GRIN2A: variants seen among roughly 807,000 people sequenced by gnomAD.
The protein encoded by GRIN2A is glutamate receptor ionotropic, NMDA 2A.
Under a neutral mutation model 113.4 loss-of-function variants are expected in GRIN2A, and 22 were observed. The observed-to-expected ratio is 0.19, with a 90% confidence interval of 0.14 to 0.28. The LOEUF (loss-of-function observed/expected upper bound fraction) is 0.28, where lower values mean the gene tolerates loss of function less well. Among genes scored for constraint, GRIN2A ranks in the 10% least tolerant of loss-of-function variants. The pLI is 1.00. For synonymous variants in GRIN2A, 827 were observed against 738.4 expected, an observed-to-expected ratio of 1.12 and a Z score of -1.94; for missense variants, 1,502 against 1,887.0, an observed-to-expected ratio of 0.80 and a Z score of 3.78.
At chr16:10,181,330 C>T (rs2050268319) in intron 1 of GRIN2A, among the ~76,000 whole-genome samples, 1 of 152,212 alleles carries the variant, frequency 6.6e-6, no homozygotes, top group Non-Finnish European at 1.5e-5. Flanking sequence ...AAAGAACGTG[C>T]GTAGGGGGAA....
chr16:10,138,399 T>C (rs917600545), intron 2 of GRIN2A, among the ~76,000 whole-genome samples: 1 of 152,116 alleles, frequency 6.6e-6, no homozygotes, highest in Non-Finnish European at 1.5e-5. Flanking sequence ...CTTACAATCA[T>C]GGTGGAAGAC....
chr16:10,111,917 T>A, intron 2 of GRIN2A: 1 of 808,826 alleles, frequency 1.2e-6, no homozygotes, highest in Non-Finnish European at 2.1e-6. Flanking sequence ...AGTGAGGTGA[T>A]GACGCCAAGG....
chr16:10,111,470 G>T (rs7188108), intron 2 of GRIN2A: 187,874 of 626,908 alleles, frequency 0.3, 29,211 homozygotes, highest in East Asian at 0.44. Flanking sequence ...GCCAACTGCC[G>T]CACCCACAAC....
chr16:9,790,323 T>C (rs1334317765), intron 11 of GRIN2A, among the ~76,000 whole-genome samples: 1 of 152,220 alleles, frequency 6.6e-6, no homozygotes, highest in African/African-American at 2.4e-5. Flanking sequence ...GCAGAGAACC[T>C]GGGTTTGAGC....
At chr16:9,895,284 G>A (rs2043781834) in intron 3 of GRIN2A, among the ~76,000 whole-genome samples, 1 of 152,190 alleles carries the variant, frequency 6.6e-6, no homozygotes, top group South Asian at 2.1e-4. Flanking sequence ...GAAGGAAGAG[G>A]AAGGAAAAGT....
chr16:9,837,039 T>C (rs975276210), intron 7 of GRIN2A, among the ~76,000 whole-genome samples: 1 of 152,140 alleles, frequency 6.6e-6, no homozygotes, highest in African/African-American at 2.4e-5. Context: ...CTGATGTGAG[T>C]TAATGGAGTT....
chr16:10,119,450 G>C (rs2048791774), intron 2 of GRIN2A, among the ~76,000 whole-genome samples: 1 of 151,568 alleles, frequency 6.6e-6, no homozygotes, highest in South Asian at 2.1e-4. Flanking sequence ...CTGTGCCTTA[G>C]TCATCTCTGT....
At chr16:10,052,600 G>C (rs2047377675) in intron 2 of GRIN2A, among the ~76,000 whole-genome samples, 1 of 152,170 alleles carries the variant, frequency 6.6e-6, no homozygotes, top group African/African-American at 2.4e-5. Flanking sequence ...GTGTGACCAG[G>C]GCTGGCTGGC....
chr16:10,038,971 C>T (rs1451012533), intron 2 of GRIN2A, among the ~76,000 whole-genome samples: 1 of 152,162 alleles, frequency 6.6e-6, no homozygotes, highest in Non-Finnish European at 1.5e-5. Context: ...GTCACCTCCT[C>T]CAGGAAGCCC....
chr16:9,777,063 T>C (rs145245452), intron 11 of GRIN2A, among the ~76,000 whole-genome samples: 1 of 152,228 alleles, frequency 6.6e-6, no homozygotes, highest in African/African-American at 2.4e-5. Flanking sequence ...AGCTAGACCA[T>C]CTGAGCTTTG....
intron 2 of GRIN2A, among the ~76,000 whole-genome samples, chr16:9,979,664 G>A (rs2045848953): frequency 6.6e-6 from 1 of 151,936 alleles, no homozygotes; most frequent in African/African-American, 2.4e-5. Flanking sequence ...TGAAAAGACT[G>A]TATCCTCATT....
chr16:10,164,774 A>G (rs2049876906), intron 2 of GRIN2A, among the ~76,000 whole-genome samples: 1 of 152,246 alleles, frequency 6.6e-6, no homozygotes, highest in Non-Finnish European at 1.5e-5. Flanking sequence ...GAAATATCAA[A>G]GCAGTTAAAA....
intron 2 of GRIN2A, among the ~76,000 whole-genome samples, chr16:10,018,580 C>T (rs928135084): frequency 3.3e-5 from 5 of 152,158 alleles, no homozygotes; most frequent in African/African-American, 1.2e-4. Flanking sequence ...AATGATACTT[C>T]TGCTGAGAGA....
chr16:10,046,688 G>A (rs963012975), intron 2 of GRIN2A, among the ~76,000 whole-genome samples: 7 of 152,064 alleles, frequency 4.6e-5, no homozygotes, highest in African/African-American at 1.7e-4. Context: ...TTTCTTCCAT[G>A]TTGATAACAC....
intron 1 of GRIN2A, among the ~76,000 whole-genome samples, chr16:10,181,220 CAT>C (rs1272052929): frequency 1.7e-5 from 2 of 120,954 alleles, no homozygotes; most frequent in African/African-American, 3.0e-5. Context: ...CGCACACACA[CAT>C]GTTCACACAC....
At chr16:9,867,666 C>G (rs2043183279) in intron 4 of GRIN2A, among the ~76,000 whole-genome samples, 1 of 152,198 alleles carries the variant, frequency 6.6e-6, no homozygotes. Flanking sequence ...CTACTCACAT[C>G]TTTCTTGAGT....
chr16:9,988,284 C>CGTGTGTGTGTGT (rs4031160), intron 2 of GRIN2A, among the ~76,000 whole-genome samples: 71 of 146,940 alleles, frequency 4.8e-4, no homozygotes, highest in South Asian at 2.0e-3. Flanking sequence ...TGTGTGTGTG[C>CGTGTGTGTGTGT]GTGTGTGTGT....
chr16:10,142,203 G>C (rs1206808299), intron 2 of GRIN2A, among the ~76,000 whole-genome samples: 3 of 152,106 alleles, frequency 2.0e-5, no homozygotes, highest in Non-Finnish European at 4.4e-5. Flanking sequence ...GAGGAAATGA[G>C]AGCAAAGTAA....
intron 2 of GRIN2A, among the ~76,000 whole-genome samples, chr16:10,110,041 T>TC (rs2048582772): frequency 6.6e-6 from 1 of 152,058 alleles, no homozygotes; most frequent in Non-Finnish European, 1.5e-5. Context: ...CCTAATGCTA[T>TC]CCCTCCCCCA....
Sources: gnomAD v4.1 joint callset for allele counts (sites outside exome capture counted in the v4.1 genomes callset) on GRCh38, gnomAD v4.1.1 for gene constraint, MANE v1.5 for transcripts, NCBI Gene and HGNC (gene_info 2026-07-23, HGNC 2026-07-21) for gene names.